SORBS2: variants seen among roughly 807,000 people sequenced by gnomAD.
SORBS2 encodes sorbin and SH3 domain containing 2.
In SORBS2, 46 loss-of-function variants were observed where a neutral mutation model predicts 97.7. That is an observed-to-expected ratio of 0.47 (90% CI 0.37 to 0.60). The LOEUF (loss-of-function observed/expected upper bound fraction) is 0.60, where lower values mean the gene tolerates loss of function less well. SORBS2 is among the 20% of genes least tolerant of loss of function. The probability of loss-of-function intolerance (pLI) is 0.00; values close to 1 mark genes in which losing one functional copy is unlikely to be tolerated. For synonymous variants in SORBS2, 476 were observed against 473.4 expected (o/e 1.01, Z -0.07); for missense variants, 1,316 against 1,282.3 (o/e 1.03, Z -0.40).
Position 185,886,568 on chromosome 4 carries a change from A to AG in SORBS2, c.-338+69627_-338+69628insC, listed in dbSNP as rs1175369828. On this transcript the variant is annotated intron_variant, in intron 1 of 20. Coordinates refer to the SORBS2 transcript ENST00000284776. ...AGACTCTGTCTCAAAAAAAAAAAAA[A>AG]AAAAAGAAAAGAAAAAAAAAAGAAA... Among the ~76,000 whole-genome samples the AG allele has an allele frequency of 9.6e-5, 14 of 146,058 alleles. No individual in the cohort carries two copies. The South Asian group carries it at 2.2e-3, about 23-fold the overall frequency.
At chr4:185,861,599 A>ATTT (rs57354475) in intron 1 of SORBS2, among the ~76,000 whole-genome samples, 1 of 146,198 alleles carries the variant, frequency 6.8e-6, no homozygotes, top group Non-Finnish European at 1.5e-5. Flanking sequence ...TCTGACTTCT[A>ATTT]TTTTTTTTTT....
chr4:185,947,890 C>T (rs538301984), intron 1 of SORBS2, among the ~76,000 whole-genome samples: 3 of 152,152 alleles, frequency 2.0e-5, no homozygotes, highest in East Asian at 3.9e-4. Context: ...GGATTACAGG[C>T]GTGAGCCACT....
At position 185,895,805 on chromosome 4, in the gene SORBS2, T is replaced by C. The variant is rs114152350; in HGVS notation, c.-338+60391A>G. Among the ~76,000 whole-genome samples the C allele has an allele frequency of 3.5e-3, 527 of 152,368 alleles. 4 individuals are homozygous for C. The highest frequency in any genetic ancestry group is 0.012 in the African/African-American group (497 of 41,594). On this transcript the variant is annotated intron_variant, in intron 1 of 20. Transcript: ENST00000284776. ...AGAGAAGTAAAATGTGGGCAAATTATAGTTTTCCTGAAAGAATTTAATTTT... is the reference window on the plus strand; with the variant it reads ...AGAGAAGTAAAATGTGGGCAAATTACAGTTTTCCTGAAAGAATTTAATTTT...
At chr4:185,735,504 TCACA>T (rs1254831025) in intron 2 of SORBS2, among the ~76,000 whole-genome samples, 1 of 149,918 alleles carries the variant, frequency 6.7e-6, no homozygotes, top group East Asian at 2.0e-4. Flanking sequence ...ACACACACAC[TCACA>T]CACACAAACA....
chr4:185,763,448 A>C (rs2098916094), intron 2 of SORBS2, among the ~76,000 whole-genome samples: 1 of 152,052 alleles, frequency 6.6e-6, no homozygotes, highest in Admixed American at 6.6e-5. Flanking sequence ...CCACCTCATC[A>C]CATTTCTGCA....
chr4:185,666,325 C>T, intron 4 of SORBS2: 1 of 442,654 alleles, frequency 2.3e-6, no homozygotes, highest in Admixed American at 2.9e-5. Flanking sequence ...TAAGGAGTTA[C>T]ATTCAGATGG....
At chr4:185,673,059 A>G (rs1028882231) in intron 4 of SORBS2, among the ~76,000 whole-genome samples, 1 of 152,230 alleles carries the variant, frequency 6.6e-6, no homozygotes. Context: ...ATGTCCTGCC[A>G]CATGCTGTAA....
chr4:185,770,095 T>G (rs1584508973), intron 2 of SORBS2, among the ~76,000 whole-genome samples: 1 of 151,864 alleles, frequency 6.6e-6, no homozygotes, highest in Non-Finnish European at 1.5e-5. Flanking sequence ...TTTTTTTTTT[T>G]TGAGACGAAG....
At chr4:185,913,147 T>G (rs2149888205) in intron 1 of SORBS2, among the ~76,000 whole-genome samples, 1 of 152,364 alleles carries the variant, frequency 6.6e-6, no homozygotes, top group East Asian at 1.9e-4. Flanking sequence ...GTTTTGCTTC[T>G]TTCATCTATT....
At chr4:185,938,229 C>T (rs904310678) in intron 1 of SORBS2, among the ~76,000 whole-genome samples, 1 of 151,918 alleles carries the variant, frequency 6.6e-6, no homozygotes, top group Non-Finnish European at 1.5e-5. Flanking sequence ...AACTTCGGAC[C>T]TCAGGTCATC....
chr4:185,945,755 A>G (rs2099274221), intron 1 of SORBS2, among the ~76,000 whole-genome samples: 1 of 152,358 alleles, frequency 6.6e-6, no homozygotes. Flanking sequence ...TATCTGATCC[A>G]TGCTGGCTAA....
At chr4:185,611,527 T>A (rs752265874) in intron 12 of SORBS2, among the ~76,000 whole-genome samples, 1 of 152,168 alleles carries the variant, frequency 6.6e-6, no homozygotes, top group Non-Finnish European at 1.5e-5. Flanking sequence ...ACTCTCGTTT[T>A]CTCTTTCTCT....
intron 4 of SORBS2, 48 bp downstream of exon 7, chr4:185,678,375 A>G (rs1029513401): frequency 2.7e-6 from 4 of 1,488,312 alleles, no homozygotes; most frequent in African/African-American, 1.4e-5. Flanking sequence ...CAGTGGTCTA[A>G]TAATCATGCC....
At chr4:185,671,791 C>T (rs558395572) in intron 4 of SORBS2, among the ~76,000 whole-genome samples, 6 of 152,226 alleles carry the variant, frequency 3.9e-5, no homozygotes, top group Non-Finnish European at 8.8e-5. Flanking sequence ...GAAATTCTTT[C>T]CAATAATTCG....
chr4:185,814,843 G>A (rs781578773), intron 1 of SORBS2, among the ~76,000 whole-genome samples: 9 of 152,186 alleles, frequency 5.9e-5, no homozygotes, highest in African/African-American at 1.9e-4. Context: ...TGGCTCCTTC[G>A]CCTGCTCGAA....
intron 5 of SORBS2, among the ~76,000 whole-genome samples, chr4:185,629,864 A>G (rs960703874): frequency 1.3e-5 from 2 of 151,992 alleles, no homozygotes; most frequent in Non-Finnish European, 2.9e-5. Context: ...CTGGCCATGA[A>G]TTTTGTAATA....
chr4:185,768,707 A>C (rs537029133), intron 2 of SORBS2, among the ~76,000 whole-genome samples: 1,532 of 105,836 alleles, frequency 0.014, 29 homozygotes, highest in African/African-American at 0.027. Context: ...TCAAAAAAAA[A>C]AAAACAAAAA....
At position 185,928,492 on chromosome 4, in the gene SORBS2, G is replaced by A. The variant is rs545612311; in HGVS notation, c.-338+27704C>T. On this transcript the variant is annotated intron_variant, in intron 1 of 20. Transcript: ENST00000284776. ...TTTATAGACAGGTCTTGAGCACTGC[G>A]GGAGAGTCAGGCACGTGGGGCCCCA... Among the ~76,000 whole-genome samples, 59 of 152,260 alleles carry A rather than the reference G, an allele frequency of 3.9e-4. 1 individual carries two copies. Among genetic ancestry groups the A allele is most frequent in the South Asian group, 1.5e-3 (7 of 4,824 alleles).
At position 185,716,591 on chromosome 4, in the gene SORBS2, T is replaced by A. The variant is rs566479813; in HGVS notation, c.-197-37769A>T. ...TTCACGAATCAGGTTTTCTCTTGTA[T>A]AAATGAGTTTTTTTTAAGGGCGTCT... On this transcript the variant is annotated intron_variant, in intron 2 of 20. Coordinates refer to the SORBS2 transcript ENST00000284776. Among the ~76,000 whole-genome samples, 16 of 145,474 alleles carry A rather than the reference T, an allele frequency of 1.1e-4. No homozygotes were observed. In the East Asian group the frequency reaches 2.4e-3, roughly 21 times the overall value.
Sources: gnomAD v4.1 joint callset for allele counts (sites outside exome capture counted in the v4.1 genomes callset) on GRCh38, gnomAD v4.1.1 for gene constraint, MANE v1.5 for transcripts, NCBI Gene and HGNC (gene_info 2026-07-23, HGNC 2026-07-21) for gene names.